Variants in CSMD2 observed in about 807,000 individuals in gnomAD.
CSMD2 encodes the protein CUB and Sushi multiple domains 2, also known as CUB and sushi domain-containing protein 2.
Under a neutral mutation model 398.5 loss-of-function variants are expected in CSMD2, and 130 were observed. The ratio of observed to expected loss-of-function variants is 0.33; its 90% confidence interval spans 0.28 to 0.38. The LOEUF (loss-of-function observed/expected upper bound fraction) is 0.38, where lower values mean the gene tolerates loss of function less well. Among genes scored for constraint, CSMD2 ranks in the 10% least tolerant of loss-of-function variants. The pLI is 1.00. For missense variants in CSMD2, 3,829 were observed against 4,764.9 expected (o/e 0.80, Z 5.78); for synonymous variants, 1,828 against 1,908.5 (o/e 0.96, Z 1.10).
chr1:33,967,570 G>A (rs74970881), intron 3 of CSMD2, among the ~76,000 whole-genome samples: 47 of 152,184 alleles, frequency 3.1e-4, no homozygotes, highest in African/African-American at 1.1e-3. Context: ...CCAGCCAAAC[G>A]TCCATGATGG....
chr1:34,042,283 CA>C (rs1400152201), intron 2 of CSMD2, among the ~76,000 whole-genome samples: 2 of 152,202 alleles, frequency 1.3e-5, no homozygotes, highest in African/African-American at 4.8e-5. Flanking sequence ...GCTGGCAAAT[CA>C]AAACACTATC....
chr1:33,764,784 C>T (rs1310570481), intron 13 of CSMD2, among the ~76,000 whole-genome samples: 1 of 152,192 alleles, frequency 6.6e-6, no homozygotes, highest in African/African-American at 2.4e-5. Context: ...TCCAAGGACT[C>T]TAGCTATTGT....
At chr1:34,028,177 C>A (rs540658157) in intron 3 of CSMD2, among the ~76,000 whole-genome samples, 2 of 151,816 alleles carry the variant, frequency 1.3e-5, no homozygotes, top group Non-Finnish European at 2.9e-5. Flanking sequence ...AGAAATTAGC[C>A]GGCTGTGGTG....
intron 6 of CSMD2, among the ~76,000 whole-genome samples, chr1:33,843,677 G>A (rs1661077402): frequency 6.6e-6 from 1 of 152,214 alleles, no homozygotes; most frequent in South Asian, 2.1e-4. Flanking sequence ...TCCCAGGGCA[G>A]GGAGCAGGAC....
chr1:33,847,676 T>C (rs1638370305), intron 5 of CSMD2, among the ~76,000 whole-genome samples: 1 of 152,152 alleles, frequency 6.6e-6, no homozygotes. Flanking sequence ...GTTATAGAAG[T>C]GTGTGGTTTC....
At chr1:33,557,956 T>C (rs1658191164) in intron 54 of CSMD2, 34 bp from the exon 55 acceptor site, 1 of 1,512,312 alleles carries the variant, frequency 6.6e-7, no homozygotes, top group Non-Finnish European at 8.9e-7. Flanking sequence ...CAGGCATGGA[T>C]TCCCAGTATA....
At chr1:33,577,683 GAAACAAAACA>G (rs1427524318) in intron 48 of CSMD2, among the ~76,000 whole-genome samples, 199 bp from the exon 49 acceptor site, 1 of 151,712 alleles carries the variant, frequency 6.6e-6, no homozygotes, top group Non-Finnish European at 1.5e-5. Flanking sequence ...CAAAACAACG[GAAACAAAACA>G]AAACAAAACA....
chr1:33,532,539 C>T (rs758245766), intron 64 of CSMD2, among the ~76,000 whole-genome samples: 3 of 152,186 alleles, frequency 2.0e-5, no homozygotes, highest in Non-Finnish European at 2.9e-5. Context: ...TCCAAGTACT[C>T]CAAATATAAA....
chr1:33,930,788 C>T (rs1021377455), intron 4 of CSMD2, among the ~76,000 whole-genome samples: 8 of 152,208 alleles, frequency 5.3e-5, no homozygotes, highest in African/African-American at 1.7e-4. Context: ...AGGGGGGTCA[C>T]AGGCCCCATC....
At chr1:33,810,989 T>C (rs1656806740) in intron 9 of CSMD2, 125 bp from the exon 10 acceptor site, 3 of 1,059,740 alleles carry the variant, frequency 2.8e-6, no homozygotes, top group Middle Eastern at 3.0e-4. Context: ...AACCTTCTGC[T>C]TCCTGGGTCC....
At chr1:33,928,924 C>T (rs1194971261) in intron 4 of CSMD2, among the ~76,000 whole-genome samples, 1 of 152,190 alleles carries the variant, frequency 6.6e-6, no homozygotes, top group East Asian at 1.9e-4. Context: ...TTATGCCTTT[C>T]CCAGATCTCT....
chr1:33,561,649 TGA>T (rs994545604), intron 53 of CSMD2, among the ~76,000 whole-genome samples: 7 of 152,308 alleles, frequency 4.6e-5, no homozygotes, highest in African/African-American at 1.7e-4. Context: ...GGGCTGGTGC[TGA>T]GATAGAGCCC....
At chr1:33,733,230 G>A (rs2149227700) in intron 15 of CSMD2, among the ~76,000 whole-genome samples, 1 of 152,282 alleles carries the variant, frequency 6.6e-6, no homozygotes, top group South Asian at 2.1e-4. Flanking sequence ...CCTGCGGCTG[G>A]AAGTGTTGCC....
Position 33,707,719 on chromosome 1 carries a change from A to G in CSMD2, c.3576+1370T>C, listed in dbSNP as rs1352775586. ...CGCACACACACACACACACACACACACACACACACACACACACACACACAC... is the reference window on the plus strand; with the variant it reads ...CGCACACACACACACACACACACACGCACACACACACACACACACACACAC... On this transcript the variant is annotated intron_variant, in intron 22 of 70. Transcript: ENST00000373381. 2.2e-4 allele frequency among the ~76,000 whole-genome samples: 33 copies of G among 150,290 alleles called. No individual in the cohort carries two copies. The South Asian group carries it at 2.9e-3, about 13-fold the overall frequency.
chr1:33,716,615 G>T, intron 19 of CSMD2, 114 bp from the exon 20 acceptor site: 1 of 727,142 alleles, frequency 1.4e-6, no homozygotes, highest in Non-Finnish European at 2.4e-6. Flanking sequence ...CTGTGTGTAT[G>T]ACTACAAGCA....
At chr1:33,621,623 G>A (rs1351520494) in intron 37 of CSMD2, among the ~76,000 whole-genome samples, 3 of 152,216 alleles carry the variant, frequency 2.0e-5, no homozygotes, top group Non-Finnish European at 4.4e-5. Context: ...CAGTATGCAA[G>A]CAGTTTCCCT....
intron 43 of CSMD2, among the ~76,000 whole-genome samples, chr1:33,601,405 C>G (rs1640209683): frequency 6.6e-6 from 1 of 152,184 alleles, no homozygotes; most frequent in African/African-American, 2.4e-5. Flanking sequence ...ATTGCCTTGT[C>G]TTCCAAGCAA....
intron 3 of CSMD2, among the ~76,000 whole-genome samples, chr1:33,945,767 G>A (rs1351266068): frequency 1.3e-5 from 2 of 152,140 alleles, no homozygotes; most frequent in Non-Finnish European, 2.9e-5. Flanking sequence ...TGCGGCCTAT[G>A]TGAACCTCTC....
rs1440073584 is a variant in CSMD2 at position 33,739,338 on chromosome 1, T to C, written c.2174-4A>G. On this transcript the variant is annotated splice_polypyrimidine_tract_variant and splice_region_variant and intron_variant, in intron 14 of 70. Transcript: ENST00000373381. ...GGGCACTCGTTGTGTCGGAAGGCTG[T>C]GTAGATGGAGTTCAAGGACATGATC... 6.2e-7 allele frequency: 1 copy of C among 1,609,300 alleles called. No homozygotes were observed. Among genetic ancestry groups the C allele is most frequent in the South Asian group, 1.1e-5 (1 of 90,624 alleles).
Sources: allele counts gnomAD v4.1 joint callset (sites outside exome capture counted in the v4.1 genomes callset), GRCh38; gene constraint gnomAD v4.1.1; transcripts MANE v1.5; gene names NCBI Gene and HGNC (gene_info 2026-07-23, HGNC 2026-07-21).